The following SEMA3D variants were observed in gnomAD, a reference collection of about 807,000 sequenced individuals.
The protein encoded by SEMA3D is semaphorin 3D, also known as semaphorin-3D.
Under a neutral mutation model 100.1 loss-of-function variants are expected in SEMA3D, and 84 were observed. The observed-to-expected ratio is 0.84, with a 90% CI of 0.70 to 1.01. The LOEUF (loss-of-function observed/expected upper bound fraction) is 1.01, where lower values mean the gene tolerates loss of function less well. SEMA3D is among the 50% of genes least tolerant of loss of function. The pLI is 0.00. For missense variants in SEMA3D, 875 were observed against 934.1 expected (o/e 0.94, Z 0.82); for synonymous variants, 312 against 320.7 (o/e 0.97, Z 0.29).
In SEMA3D at chr7:85,163,862, A is replaced by G. The variant is rs191423243; in HGVS notation, c.-172-10123T>C. On this transcript the variant is annotated intron_variant, in intron 1 of 18. Transcript: ENST00000284136. ...CAGTAAGGAAAGGTAATTTTTGCCA[A>G]TCTTTCAAATATAACTTGAACTGAG... Among the ~76,000 whole-genome samples, 28 of 152,266 alleles carry G rather than the reference A, an allele frequency of 1.8e-4. No homozygotes were observed. The East Asian group carries it at 4.2e-3, about 23-fold the overall frequency.
At chr7:85,213,861 T>G in the SEMA3D span, among the ~76,000 whole-genome samples, 3 of 152,196 alleles carry the variant, frequency 2.0e-5, no homozygotes, top group African/African-American at 7.2e-5. Flanking sequence ...TAATTTAGTT[T>G]ACATCAGCAA....
At chr7:85,109,635 C>T (rs1554344552) in intron 3 of SEMA3D, among the ~76,000 whole-genome samples, 1 of 151,868 alleles carries the variant, frequency 6.6e-6, no homozygotes, top group Non-Finnish European at 1.5e-5. Context: ...AGGATTATTA[C>T]AAAAATGCAA....
At chr7:85,112,653 C>A (rs1789125261) in intron 3 of SEMA3D, among the ~76,000 whole-genome samples, 2 of 152,014 alleles carry the variant, frequency 1.3e-5, no homozygotes, top group African/African-American at 4.8e-5. Flanking sequence ...AGGGTCTGAG[C>A]CTCAAGTATC....
upstream of SEMA3D, among the ~76,000 whole-genome samples, chr7:85,188,044 G>T (rs1791612202): frequency 1.3e-5 from 2 of 152,196 alleles, no homozygotes; most frequent in African/African-American, 4.8e-5. Context: ...AGAGCACAAG[G>T]TGTAGGGTCC....
intron 5 of SEMA3D, among the ~76,000 whole-genome samples, chr7:85,073,825 C>T (rs961250410): frequency 6.6e-5 from 10 of 152,098 alleles, no homozygotes; most frequent in Non-Finnish European, 1.3e-4. Flanking sequence ...TGTTTTTTCT[C>T]ATGGACTTTT....
chr7:85,177,559 A>G (rs1791273731), intron 1 of SEMA3D, among the ~76,000 whole-genome samples: 1 of 152,184 alleles, frequency 6.6e-6, no homozygotes, highest in Non-Finnish European at 1.5e-5. Flanking sequence ...TTAAAATAGC[A>G]AAGACAGATG....
At chr7:85,066,555 A>C (rs1416198653) in intron 7 of SEMA3D, among the ~76,000 whole-genome samples, 1 of 151,946 alleles carries the variant, frequency 6.6e-6, no homozygotes, top group Non-Finnish European at 1.5e-5. Context: ...CTGCAGGAGA[A>C]TATGTTGTCT....
At chr7:85,065,701 T>G (rs1280065498) in intron 7 of SEMA3D, 149 bp from the exon 8 acceptor site, 2 of 621,264 alleles carry the variant, frequency 3.2e-6, no homozygotes, top group African/African-American at 1.8e-5. Flanking sequence ...TTTTGAAAAT[T>G]TATCTCAGTT....
chr7:85,250,010 C>T, the SEMA3D span, among the ~76,000 whole-genome samples: 6 of 152,046 alleles, frequency 3.9e-5, no homozygotes, highest in Non-Finnish European at 7.4e-5. Flanking sequence ...AGCGGGTGCA[C>T]GCACCGTGCA....
intron 12 of SEMA3D, among the ~76,000 whole-genome samples, chr7:85,032,751 CCTT>C (rs1256569692): frequency 5.9e-5 from 9 of 152,206 alleles, no homozygotes; most frequent in African/African-American, 2.2e-4. Context: ...AGAAAATCCT[CCTT>C]CTTTAACCAC....
chr7:85,043,368 A>T (rs1317871484), intron 9 of SEMA3D, among the ~76,000 whole-genome samples: 1 of 152,136 alleles, frequency 6.6e-6, no homozygotes, highest in Non-Finnish European at 1.5e-5. Context: ...AAAAGCAAAC[A>T]AAACAAAAAC....
chr7:85,195,790 A>C, the SEMA3D span, among the ~76,000 whole-genome samples: 1 of 152,196 alleles, frequency 6.6e-6, no homozygotes, highest in East Asian at 1.9e-4. Flanking sequence ...GAAAACAAAC[A>C]AAGAGACTTT....
At chr7:85,246,726 A>C in the SEMA3D span, among the ~76,000 whole-genome samples, 1 of 152,024 alleles carries the variant, frequency 6.6e-6, no homozygotes, top group East Asian at 1.9e-4. Context: ...ATTTGAAGAT[A>C]ATAATTCCCT....
intron 5 of SEMA3D, among the ~76,000 whole-genome samples, chr7:85,078,058 A>G (rs1787935713): frequency 6.6e-6 from 1 of 152,182 alleles, no homozygotes; most frequent in Admixed American, 6.5e-5. Context: ...AGTAAAAAAA[A>G]ATAAGTGTTT....
At chr7:85,171,240 C>T (rs977219672) in intron 1 of SEMA3D, among the ~76,000 whole-genome samples, 1 of 151,912 alleles carries the variant, frequency 6.6e-6, no homozygotes, top group Non-Finnish European at 1.5e-5. Context: ...GGAAAAGCAA[C>T]AAGGCTGAGA....
At chr7:85,105,429 T>C (rs1342682135) in intron 3 of SEMA3D, among the ~76,000 whole-genome samples, 1 of 152,078 alleles carries the variant, frequency 6.6e-6, no homozygotes, top group Non-Finnish European at 1.5e-5. Flanking sequence ...TGAGATCATG[T>C]GAAAACGTTC....
At chr7:85,097,386 A>G (rs1788592233) in intron 4 of SEMA3D, among the ~76,000 whole-genome samples, 1 of 151,852 alleles carries the variant, frequency 6.6e-6, no homozygotes, top group Non-Finnish European at 1.5e-5. Flanking sequence ...TAGCCACATT[A>G]TCATTTGAAA....
chr7:85,217,292 C>A, the SEMA3D span, among the ~76,000 whole-genome samples: 1 of 151,938 alleles, frequency 6.6e-6, no homozygotes, highest in African/African-American at 2.4e-5. Context: ...TGTTTCCAAG[C>A]CAGACTAATA....
In SEMA3D at chr7:85,064,958, A is replaced by G. The variant is rs1055851804; in HGVS notation, c.718+466T>C. ...TTATTTTTAAGCAACAGAAGTTACC[A>G]TTACAATCTAACCCGAGTTCATTGG... On this transcript the variant is annotated intron_variant, in intron 8 of 18. Transcript: ENST00000284136. Among the ~76,000 whole-genome samples the G allele has an allele frequency of 3.9e-5, 6 of 152,274 alleles. No individual in the cohort carries two copies. In the East Asian group the frequency reaches 1.2e-3, roughly 29 times the overall value.
Sources: gnomAD v4.1 joint callset for allele counts (sites outside exome capture counted in the v4.1 genomes callset) on GRCh38, gnomAD v4.1.1 for gene constraint, MANE v1.5 for transcripts, NCBI Gene and HGNC (gene_info 2026-07-23, HGNC 2026-07-21) for gene names.